SRCIN1: variants seen among roughly 807,000 people sequenced by gnomAD.
The protein encoded by SRCIN1 is P130Cas-associated protein.
SRCIN1 carries 50 observed loss-of-function variants against 116.2 expected under a neutral mutation model. That is an observed-to-expected ratio of 0.43 (90% CI 0.34 to 0.54). The LOEUF (loss-of-function observed/expected upper bound fraction) is 0.54, where lower values mean the gene tolerates loss of function less well. Ranked by LOEUF, SRCIN1 falls within the 20% of genes least tolerant of loss-of-function variation. The pLI, the probability that SRCIN1 is intolerant of heterozygous loss-of-function variation, is 0.02. For synonymous variants in SRCIN1, 736 were observed against 750.0 expected (o/e 0.98, Z 0.30); for missense variants, 1,446 against 1,672.0 (o/e 0.86, Z 2.36).
chr17:38,535,751 C>G (rs2040991500), intron 18 of SRCIN1, among the ~76,000 whole-genome samples: 2 of 152,184 alleles, frequency 1.3e-5, no homozygotes, highest in African/African-American at 4.8e-5. Flanking sequence ...TCTGCTCTAG[C>G]CTTTCCCATT....
chr17:38,589,078 G>A (rs1382591237), intron 1 of SRCIN1, among the ~76,000 whole-genome samples: 1 of 152,198 alleles, frequency 6.6e-6, no homozygotes, highest in East Asian at 1.9e-4. Flanking sequence ...GCATGCGCCT[G>A]GCTGCCCAGT....
rs201979144 is a variant in SRCIN1 at position 38,548,584 on chromosome 17, G to C, written c.3243C>G (p.Asp1081Glu). ...CTAGCTCTGCGATGATGCGATCCTCGTCATCCTCGTCCTTGATGGCCGAGG... is the reference window on the plus strand; with the variant it reads ...CTAGCTCTGCGATGATGCGATCCTCCTCATCCTCGTCCTTGATGGCCGAGG... ...IMASAIKDED[D>E]EDRIIAELES... The change falls in exon 17 of 19, where the codon GAC (aspartate) becomes GAG (glutamate). Residue 1081 changes from aspartate (D) to glutamate (E), a missense_variant. By Grantham distance (45) the Asp-to-Glu change is conservative. This residue lies in a region of SRCIN1 where 531 missense variants were observed against 633.9 expected (regional missense o/e 0.84). Transcript: ENST00000617146. 1 of 1,612,390 alleles carries C rather than the reference G, an allele frequency of 6.2e-7. No homozygotes were observed. The highest frequency in any genetic ancestry group is 1.3e-5 in the African/African-American group (1 of 74,898).
At chr17:38,551,822 A>T in intron 14 of SRCIN1, 64 bp downstream of exon 14, 1 of 1,606,512 alleles carries the variant, frequency 6.2e-7, no homozygotes. Context: ...CACTCTAGGA[A>T]GGATGGTCGT....
At position 38,560,424 on chromosome 17, in the gene SRCIN1, C is replaced by G. The variant is rs1403740083; in HGVS notation, c.1702G>C (p.Glu568Gln). 1 of 1,609,766 alleles carries G rather than the reference C, an allele frequency of 6.2e-7. No individual in the cohort carries two copies. Among genetic ancestry groups the G allele is most frequent in the Non-Finnish European group, 8.5e-7 (1 of 1,178,040 alleles). Reference protein sequence around the residue: ...PVPAKDTETRERMEAMEKQIA... With the variant: ...PVPAKDTETRQRMEAMEKQIA... ...TGCTTCTCCATGGCCTCCATGCGCT[C>G]CCTGGGGAGGAAGGGGGTCTGGGCA... is the stretch of plus-strand genomic sequence containing the variant. Residue 568 changes from glutamate (E) to glutamine (Q), a missense_variant and splice_region_variant, in exon 8 of 19, where the codon GAG (glutamate) becomes CAG (glutamine). By Grantham distance (29) the Glu-to-Gln change is conservative. This residue lies in a region of SRCIN1 where 398 missense variants were observed against 385.6 expected (regional missense o/e 1.03). Transcript: ENST00000617146.
At chr17:38,560,534 G>GGCCC in intron 7 of SRCIN1, 109 bp from the exon 8 acceptor site, 1 of 935,286 alleles carries the variant, frequency 1.1e-6, no homozygotes. Context: ...CCCATCCCTG[G>GGCCC]CTGCCAAAAC....
At position 38,550,007 on chromosome 17, in the gene SRCIN1, T is replaced by C. The variant is rs181819485; in HGVS notation, c.2963-797A>G. Reference sequence around the variant, plus strand: ...AGTCACATCTTTAGGGAAGCCTTCCTGCCCTCCTAGGGCCTCCGCCAGGAC... The same window carrying C: ...AGTCACATCTTTAGGGAAGCCTTCCCGCCCTCCTAGGGCCTCCGCCAGGAC... On this transcript the variant is annotated intron_variant, in intron 15 of 18. Coordinates refer to ENST00000617146, the MANE Select transcript of SRCIN1 (RefSeq NM_025248.3). 2.6e-3 allele frequency among the ~76,000 whole-genome samples: 398 copies of C among 152,364 alleles called. 1 individual carries two copies. The highest frequency in any genetic ancestry group is 3.5e-3 in the Non-Finnish European group (237 of 68,022).
rs1906328470 is a variant in SRCIN1 at position 38,562,332 on chromosome 17, C to A, written c.835-4G>T. The A allele has an allele frequency of 2.7e-6, 4 of 1,457,064 alleles. No homozygotes were observed. The highest frequency in any genetic ancestry group is 3.0e-5 in the East Asian group (1 of 33,840). The allele number at this position is 1,457,064 out of a possible 1,614,324, so 90.3% of individuals were successfully genotyped here. On this transcript the variant is annotated splice_polypyrimidine_tract_variant and splice_region_variant and intron_variant, in intron 6 of 18. Coordinates refer to ENST00000617146, the MANE Select transcript of SRCIN1 (RefSeq NM_025248.3). This position sits in a 1 kb window ranked among gnomAD's most constrained non-coding sequence, Gnocchi z 4.2. Reference sequence around the variant, plus strand: ...GCGATGCGTACACCATCTCTCTCTGCGCAGAAGACAGCCCGGAACCCCACG... The same window carrying A: ...GCGATGCGTACACCATCTCTCTCTGAGCAGAAGACAGCCCGGAACCCCACG...
intron 3 of SRCIN1, 40 bp from the exon 4 acceptor site, chr17:38,564,353 C>T: frequency 7.1e-7 from 1 of 1,401,576 alleles, no homozygotes; most frequent in Non-Finnish European, 9.2e-7. Context: ...CAAGGATGAG[C>T]ACCCCCCCTC....
chr17:38,591,004 C>A (rs1035157235), intron 1 of SRCIN1, among the ~76,000 whole-genome samples: 1 of 152,212 alleles, frequency 6.6e-6, no homozygotes, highest in African/African-American at 2.4e-5. Flanking sequence ...CAGAGCCACC[C>A]CCAGATCACA....
chr17:38,548,964 G>T, intron 16 of SRCIN1, 92 bp downstream of exon 16: 1 of 1,400,946 alleles, frequency 7.1e-7, no homozygotes, highest in Non-Finnish European at 9.6e-7. Flanking sequence ...TGAGAAAGGG[G>T]TCTCTTTCCC....
intron 1 of SRCIN1, among the ~76,000 whole-genome samples, chr17:38,589,023 A>G (rs1908296582): frequency 6.6e-6 from 1 of 152,176 alleles, no homozygotes; most frequent in Non-Finnish European, 1.5e-5. Context: ...GCCCAGGCAC[A>G]CACATCTGCT....
rs1906895503 is a variant in SRCIN1 at position 38,568,938 on chromosome 17, CGGA to C, written c.325-710_325-708del. ...GGATCAGGATGGATGGGGCAGGGGT[CGGA>C]GGAGGGGGGCTGGGGCCCAAGGCCA... On this transcript the variant is annotated intron_variant, in intron 2 of 18. Transcript: ENST00000617146. The surrounding 1 kb of genome is among the most constrained non-coding windows in gnomAD (Gnocchi z 4.5). Among the ~76,000 whole-genome samples the C allele has an allele frequency of 1.1e-5, 1 of 87,344 alleles. No individual in the cohort carries two copies. The highest frequency in any genetic ancestry group is 2.3e-5 in the Non-Finnish European group (1 of 44,318). The allele number at this position is 87,344 out of a possible 152,430, so 57.3% of individuals were successfully genotyped here.
chr17:38,577,326 ATCT>A (rs534452592), intron 2 of SRCIN1, among the ~76,000 whole-genome samples: 7 of 152,294 alleles, frequency 4.6e-5, no homozygotes, highest in Admixed American at 4.6e-4. Context: ...TGACGGCAAC[ATCT>A]TCTTCAACTC....
intron 3 of SRCIN1, among the ~76,000 whole-genome samples, chr17:38,566,108 T>A (rs1048777720): frequency 3.3e-5 from 5 of 152,032 alleles, no homozygotes; most frequent in Admixed American, 2.6e-4. Context: ...GGCTACAGAA[T>A]TCAGGCAGCA....
chr17:38,586,585 C>A (rs950349875), intron 1 of SRCIN1, among the ~76,000 whole-genome samples: 1 of 152,198 alleles, frequency 6.6e-6, no homozygotes, highest in Non-Finnish European at 1.5e-5. Context: ...TGGCCTATGA[C>A]CCTGTGGTCT....
rs543915735 is a variant in SRCIN1 at position 38,585,300 on chromosome 17, C to A, written c.23-6509G>T. ...ACAAACACACAGCATGAGGCTCCCC[C>A]AGTCCCTCCTCTGCAGCCAATGCTA... On this transcript the variant is annotated intron_variant, in intron 1 of 18. Transcript: ENST00000617146. This position sits in a 1 kb window ranked among gnomAD's most constrained non-coding sequence, Gnocchi z 4.2. Among the ~76,000 whole-genome samples, 263 of 152,316 alleles carry A rather than the reference C, an allele frequency of 1.7e-3. 1 individual carries two copies. The highest frequency in any genetic ancestry group is 5.9e-3 in the African/African-American group (247 of 41,572).
intron 1 of SRCIN1, among the ~76,000 whole-genome samples, chr17:38,584,902 G>T (rs961636295): frequency 1.3e-5 from 2 of 152,184 alleles, no homozygotes; most frequent in African/African-American, 2.4e-5. Context: ...AGTAGAGGAA[G>T]AACGAAGCCA....
intron 1 of SRCIN1, among the ~76,000 whole-genome samples, chr17:38,589,351 C>G (rs779675476): frequency 3.3e-5 from 5 of 152,226 alleles, no homozygotes; most frequent in Non-Finnish European, 7.3e-5. Context: ...TGCCAGTCCA[C>G]GCAGCTCATG....
In SRCIN1 at chr17:38,564,231, G is replaced by A. The variant is rs1397219952; in HGVS notation, c.428C>T (p.Ser143Leu). 1.3e-6 allele frequency: 2 copies of A among 1,580,332 alleles called. No homozygotes were observed. Among genetic ancestry groups the A allele is most frequent in the South Asian group, 1.2e-5 (1 of 86,180 alleles). ...CTCGGCCTCCGACATGGTCTCCAGC[G>A]ACTCGGCGGAGGCGTAGGACAGCTT... ...AAKLSYASAESLETMSEAELP... is the reference protein window; with the variant it reads ...AAKLSYASAELLETMSEAELP... Residue 143 changes from serine to leucine, a missense_variant, in exon 4 of 19, where the codon TCG (serine) becomes TTG (leucine). By Grantham distance (145) the Ser-to-Leu change is moderately radical. Transcript: ENST00000617146.
Sources: allele counts gnomAD v4.1 joint callset (sites outside exome capture counted in the v4.1 genomes callset), GRCh38; gene constraint gnomAD v4.1.1; regional missense constraint gnomAD v4.1.1; non-coding constraint Gnocchi (gnomAD v3.1); transcripts MANE v1.5; gene names NCBI Gene and HGNC (gene_info 2026-07-23, HGNC 2026-07-21).